The following CCDC50 variants were observed in gnomAD, a reference collection of about 807,000 sequenced individuals.
CCDC50 encodes coiled-coil domain containing 50.
Under a neutral mutation model 70.2 loss-of-function variants are expected in CCDC50, and 54 were observed. That is an observed-to-expected ratio of 0.77 (90% CI 0.62 to 0.96). CCDC50 has a LOEUF of 0.96. CCDC50 is among the 50% of genes least tolerant of loss of function. The pLI is 0.00. For missense variants in CCDC50, 558 were observed against 578.7 expected (o/e 0.96, Z 0.37); for synonymous variants, 216 against 198.8 (o/e 1.09, Z -0.73).
At chr3:191,359,012 CT>C (rs1712393387) in intron 3 of CCDC50, among the ~76,000 whole-genome samples, 1 of 152,130 alleles carries the variant, frequency 6.6e-6, no homozygotes, top group African/African-American at 2.4e-5. Flanking sequence ...TAAATAAACA[CT>C]TTTATTGATT....
intron 4 of CCDC50, among the ~76,000 whole-genome samples, chr3:191,365,688 T>C (rs1560164629): frequency 6.6e-6 from 1 of 152,200 alleles, no homozygotes; most frequent in African/African-American, 2.4e-5. Flanking sequence ...CTGACAGTCA[T>C]TTGACAGTCA....
At chr3:191,368,639 T>G (rs1181749607) in intron 4 of CCDC50, among the ~76,000 whole-genome samples, 2 of 152,112 alleles carry the variant, frequency 1.3e-5, no homozygotes, top group African/African-American at 4.8e-5. Flanking sequence ...TTCGCACCTA[T>G]TCATAAAATT....
intron 4 of CCDC50, among the ~76,000 whole-genome samples, chr3:191,366,528 TA>T (rs1238411934): frequency 2.0e-5 from 3 of 152,158 alleles, no homozygotes; most frequent in Non-Finnish European, 4.4e-5. Flanking sequence ...AAAATGTAAT[TA>T]AAAATGACTT....
At position 191,329,638 on chromosome 3, in the gene CCDC50, G is replaced by C. The variant is rs1412490477; in HGVS notation, c.-37G>C. The C allele has an allele frequency of 8.2e-6, 13 of 1,594,788 alleles. No homozygotes were observed. The highest frequency in any genetic ancestry group is 8.5e-6 in the Non-Finnish European group (10 of 1,172,080). Reference sequence around the variant, plus strand: ...GCTCGGCGCCGGCGGTGACCGGGAAGCCCGCGTTAAAGGGGCAACCGGGAC... The same window carrying C: ...GCTCGGCGCCGGCGGTGACCGGGAACCCCGCGTTAAAGGGGCAACCGGGAC... On this transcript the variant is annotated 5_prime_UTR_variant, in exon 1 of 12. Coordinates refer to ENST00000392455, the MANE Select transcript of CCDC50 (RefSeq NM_178335.3).
At chr3:191,364,170 G>A (rs1213390256) in intron 4 of CCDC50, among the ~76,000 whole-genome samples, 1 of 151,766 alleles carries the variant, frequency 6.6e-6, no homozygotes, top group African/African-American at 2.4e-5. Flanking sequence ...CTGGGTTCAA[G>A]CGATTCCCCT....
chr3:191,334,639 C>A (rs1718084991), intron 1 of CCDC50, among the ~76,000 whole-genome samples: 2 of 152,090 alleles, frequency 1.3e-5, no homozygotes, highest in African/African-American at 2.4e-5. Flanking sequence ...TGAGTAGTTG[C>A]TTACACAGCT....
At chr3:191,363,488 G>A (rs1241556412) in intron 4 of CCDC50, among the ~76,000 whole-genome samples, 6 of 152,230 alleles carry the variant, frequency 3.9e-5, no homozygotes, top group African/African-American at 1.4e-4. Flanking sequence ...TAGTAGTTGT[G>A]CATACCCTAA....
At chr3:191,361,600 C>T (rs539350705) in intron 4 of CCDC50, among the ~76,000 whole-genome samples, 5 of 152,192 alleles carry the variant, frequency 3.3e-5, no homozygotes, top group Non-Finnish European at 7.3e-5. Context: ...CAGTCTCTGC[C>T]TCCATTGTCA....
intron 5 of CCDC50, among the ~76,000 whole-genome samples, chr3:191,370,466 T>TTTTTTTTGTTTG (rs1417862839): frequency 7.0e-6 from 1 of 142,928 alleles, no homozygotes; most frequent in Admixed American, 7.2e-5. Flanking sequence ...CATGCGGTGG[T>TTTTTTTTGTTTG]TTTTTTTGTT....
At chr3:191,358,185 C>A in intron 3 of CCDC50, 61 bp downstream of exon 3, 1 of 1,604,316 alleles carries the variant, frequency 6.2e-7, no homozygotes, top group African/African-American at 1.3e-5. Context: ...GAGCTAGCAA[C>A]CAGGGCAGGG....
At position 191,375,020 on chromosome 3, in the gene CCDC50, A is replaced by G. The variant is rs780103362; in HGVS notation, c.449-42A>G. 2.5e-6 allele frequency: 4 copies of G among 1,598,072 alleles called. No homozygotes were observed. In the East Asian group the frequency reaches 8.9e-5, roughly 36 times the overall value. ...GTGAGTTCATAACTCTCATTAAATT[A>G]ATCTGCATTTTTATTTTTCACATCC... On this transcript the variant is annotated intron_variant, in intron 5 of 11. Transcript: ENST00000392455.
intron 1 of CCDC50, among the ~76,000 whole-genome samples, chr3:191,356,232 T>C (rs1712275763): frequency 1.3e-5 from 2 of 152,184 alleles, no homozygotes; most frequent in Admixed American, 6.5e-5. Context: ...TTTTGTCTGT[T>C]TGTATGTTTA....
At chr3:191,362,127 C>T (rs1302989211) in intron 4 of CCDC50, among the ~76,000 whole-genome samples, 1 of 151,976 alleles carries the variant, frequency 6.6e-6, no homozygotes, top group African/African-American at 2.4e-5. Context: ...TATTTTCAGC[C>T]CTTTTTTTAA....
Position 191,375,417 on chromosome 3 carries a change from G to A in CCDC50, c.804G>A (p.Gln268=), listed in dbSNP as rs876657435. 1 of 1,613,670 alleles carries A rather than the reference G, an allele frequency of 6.2e-7. No homozygotes were observed. The highest frequency in any genetic ancestry group is 8.5e-7 in the Non-Finnish European group (1 of 1,179,868). Residue 268 remains glutamine, a synonymous_variant, in exon 6 of 12, where the codon CAG becomes CAA. Transcript: ENST00000392455. ...INHQTRNWEK[Q]SRHQDRLSPK... is the part of the protein sequence containing the mutation. ...ATCAGACTCGAAATTGGGAAAAACAGTCTCGACACCAAGATCGACTTTCAC... is the reference window on the plus strand; with the variant it reads ...ATCAGACTCGAAATTGGGAAAAACAATCTCGACACCAAGATCGACTTTCAC...
At chr3:191,367,221 T>A (rs1712725518) in intron 4 of CCDC50, among the ~76,000 whole-genome samples, 1 of 152,130 alleles carries the variant, frequency 6.6e-6, no homozygotes, top group Non-Finnish European at 1.5e-5. Flanking sequence ...TTTGACTAGC[T>A]AATGCATTAC....
chr3:191,367,899 GT>G (rs528909795), intron 4 of CCDC50, among the ~76,000 whole-genome samples: 2 of 151,998 alleles, frequency 1.3e-5, no homozygotes, highest in Non-Finnish European at 1.5e-5. Flanking sequence ...ACAAATAATA[GT>G]TTTTTGGAGA....
rs1458401245 is a variant in CCDC50, at chr3:191,393,842, C to T, written c.*2082C>T. 1 of 151,950 alleles carries T rather than the reference C, an allele frequency of 6.6e-6. No individual in the cohort carries two copies. Among genetic ancestry groups the T allele is most frequent in the Non-Finnish European group, 1.5e-5 (1 of 67,958 alleles). 9.4% of individuals were successfully genotyped at this position (151,950 alleles called of 1,614,324 possible). A position where few individuals can be genotyped will look rare whatever the true frequency, so the allele number is the denominator to read the frequency against. On this transcript the variant is annotated 3_prime_UTR_variant, in exon 12 of 12. Coordinates refer to ENST00000392455, the MANE Select transcript of CCDC50 (RefSeq NM_178335.3). ...TCTGCCCTGTGATTTCGCTTCGTGT[C>T]CTTCAAAGTTTTTTTATTGTAATTT...
chr3:191,354,801 A>G (rs1712223989), intron 1 of CCDC50, among the ~76,000 whole-genome samples: 2 of 152,130 alleles, frequency 1.3e-5, no homozygotes, highest in African/African-American at 4.8e-5. Context: ...TGGATACTAA[A>G]AATCTATGGA....
chr3:191,386,216 ATTTTTTTTTTTTTTT>A (rs76983981), intron 10 of CCDC50, among the ~76,000 whole-genome samples: 63,590 of 126,266 alleles, frequency 0.5, 15,542 homozygotes, highest in Middle Eastern at 0.58. Context: ...TAGTATGGGC[ATTTTTTTTTTTTTTT>A]TTTTTTTTTT....
Sources: gnomAD v4.1 joint callset for allele counts (sites outside exome capture counted in the v4.1 genomes callset) on GRCh38, gnomAD v4.1.1 for gene constraint, MANE v1.5 for transcripts, NCBI Gene and HGNC (gene_info 2026-07-23, HGNC 2026-07-21) for gene names.